The following RCAN1 variants were observed in gnomAD, a reference collection of about 807,000 sequenced individuals.
RCAN1 encodes the protein regulator of calcineurin 1.
A neutral mutation model predicts 22.9 loss-of-function variants in RCAN1; 11 were observed. That is an observed-to-expected ratio of 0.48 (90% confidence interval 0.30 to 0.79). RCAN1 has a LOEUF of 0.79. Ranked by LOEUF, RCAN1 falls within the 30% of genes least tolerant of loss-of-function variation. RCAN1 has a pLI of 0.06. For synonymous variants in RCAN1, 136 were observed against 142.3 expected, an observed-to-expected ratio of 0.96 and a Z score of 0.32; for missense variants, 291 against 337.8, an observed-to-expected ratio of 0.86 and a Z score of 1.09.
Position 34,518,405 on chromosome 21 carries a change from G to A in RCAN1, c.587-149C>T. 2 of 781,354 alleles carry A rather than the reference G, an allele frequency of 2.6e-6. No individual in the cohort carries two copies. The highest frequency in any genetic ancestry group is 4.0e-6 in the Non-Finnish European group (2 of 503,136). The allele number at this position is 781,354 out of a possible 1,614,324, so 48.4% of individuals were successfully genotyped here. On this transcript the variant is annotated intron_variant, in intron 3 of 3. Coordinates refer to ENST00000313806, the MANE Select transcript of RCAN1 (RefSeq NM_004414.7). The surrounding 1 kb of genome is among the most constrained non-coding windows in gnomAD (Gnocchi z 4.2). ...ACACAGCCAGACATATTTTGGGTTT[G>A]TATTTCTTTGCTAGCTCATTCAGAA...
At chr21:34,590,007 C>A (rs376554069) in intron 1 of RCAN1, among the ~76,000 whole-genome samples, 1 of 152,236 alleles carries the variant, frequency 6.6e-6, no homozygotes, top group East Asian at 1.9e-4. Flanking sequence ...CAGAAGACTA[C>A]TGAATATTCT....
intron 1 of RCAN1, among the ~76,000 whole-genome samples, chr21:34,575,251 A>C (rs1166387603): frequency 6.6e-6 from 1 of 152,190 alleles, no homozygotes; most frequent in Non-Finnish European, 1.5e-5. Flanking sequence ...GCTCCATGGG[A>C]GCACAAACAC....
chr21:34,598,158 A>G (rs1988224373), intron 1 of RCAN1, among the ~76,000 whole-genome samples: 2 of 152,198 alleles, frequency 1.3e-5, no homozygotes, highest in South Asian at 4.1e-4. Context: ...TGGATGTTCC[A>G]TTTTCGTTTT....
At position 34,614,786 on chromosome 21, in the gene RCAN1, G is replaced by A. The variant is rs1477941984; in HGVS notation, c.226C>T (p.Arg76Cys). ...SATIACHLDPRVFVDGLCRAK... is the reference protein window; with the variant it reads ...SATIACHLDPCVFVDGLCRAK... ...CGGCACAGGCCGTCCACGAACACGC[G>A]CGGGTCCAGGTGACAGGCGATGGTG... is the stretch of plus-strand genomic sequence containing the variant. The change falls in exon 1 of 4, where the codon CGC becomes TGC. Residue 76 changes from arginine (R) to cysteine (C), a missense_variant. Transcript: ENST00000313806. The surrounding 1 kb of genome is among the most constrained non-coding windows in gnomAD (Gnocchi z 6.0). 1 of 1,468,718 alleles carries A rather than the reference G, an allele frequency of 6.8e-7. No individual in the cohort carries two copies. The highest frequency in any genetic ancestry group is 2.2e-5 in the Admixed American group (1 of 45,698). 91.0% of individuals were successfully genotyped at this position (1,468,718 alleles called of 1,614,324 possible).
At chr21:34,555,888 C>T (rs1465609772) in intron 1 of RCAN1, among the ~76,000 whole-genome samples, 1 of 151,024 alleles carries the variant, frequency 6.6e-6, no homozygotes. Context: ...ACGATGAAAC[C>T]CTGTCTCTAC....
Position 34,533,842 on chromosome 21 carries a change from G to A in RCAN1, c.253-10132C>T, listed in dbSNP as rs148881891. ...CCTGAAGCAGGTAGGGGAGTGAACC[G>A]TTGGATGCTGGGGAACAGCATTCTG... is the stretch of plus-strand genomic sequence containing the variant. On this transcript the variant is annotated intron_variant, in intron 1 of 3. Transcript: ENST00000313806. 2.0e-3 allele frequency among the ~76,000 whole-genome samples: 310 copies of A among 152,340 alleles called. 1 individual carries two copies. The highest frequency in any genetic ancestry group is 6.9e-3 in the African/African-American group (286 of 41,586).
chr21:34,522,188 G>GAAAAAA (rs60440958), intron 2 of RCAN1: 2 of 135,968 alleles, frequency 1.5e-5, no homozygotes, highest in Non-Finnish European at 1.6e-5. Flanking sequence ...TCAGATGCCA[G>GAAAAAA]AAAAAAAAAA....
intron 1 of RCAN1, among the ~76,000 whole-genome samples, chr21:34,608,469 G>A (rs1057488386): frequency 6.6e-6 from 1 of 152,180 alleles, no homozygotes; most frequent in African/African-American, 2.4e-5. Flanking sequence ...TTGCTCTGAG[G>A]GAAGCCTGCT....
intron 1 of RCAN1, among the ~76,000 whole-genome samples, chr21:34,606,104 A>G (rs1988517540): frequency 6.6e-6 from 1 of 152,160 alleles, no homozygotes; most frequent in Non-Finnish European, 1.5e-5. Flanking sequence ...TCTTGTAAAG[A>G]TAAAATGATA....
chr21:34,523,014 G>A (rs1330369229), intron 2 of RCAN1: 1 of 152,264 alleles, frequency 6.6e-6, no homozygotes, highest in East Asian at 1.9e-4. Flanking sequence ...GGGTTTCTTA[G>A]CATCTGCGCC....
chr21:34,614,861 A>T lies in RCAN1; in HGVS notation c.151T>A (p.Phe51Ile). 1.4e-6 allele frequency: 2 copies of T among 1,470,674 alleles called. No homozygotes were observed. The highest frequency in any genetic ancestry group is 1.8e-6 in the Non-Finnish European group (2 of 1,108,060). The allele number at this position is 1,470,674 out of a possible 1,614,324, so 91.1% of individuals were successfully genotyped here. A position where few individuals can be genotyped will look rare whatever the true frequency, so the allele number is the denominator to read the frequency against. ...ACCTCCTCCATCTCGCAGTCAATGA[A>T]GCTCCAGTCGCCGCCGCCCTCGTCC... ...EADEGGGDWS[F>I]IDCEMEEVDL... is the part of the protein sequence containing the mutation. The change falls in exon 1 of 4, where the codon TTC (phenylalanine) becomes ATC (isoleucine). Residue 51 changes from phenylalanine (F) to isoleucine (I), a missense_variant. Phe to Ile is a conservative substitution (Grantham distance 21, BLOSUM62 0). Transcript: ENST00000313806. This position sits in a 1 kb window ranked among gnomAD's most constrained non-coding sequence, Gnocchi z 6.0.
At chr21:34,613,644 G>T in intron 1 of RCAN1, 2 of 1,030,468 alleles carry the variant, frequency 1.9e-6, no homozygotes, top group Non-Finnish European at 2.6e-6. Context: ...AAAGGTTTTA[G>T]AGTAAGATCA....
At chr21:34,585,576 C>T (rs1456657686) in intron 1 of RCAN1, among the ~76,000 whole-genome samples, 3 of 151,634 alleles carry the variant, frequency 2.0e-5, no homozygotes, top group African/African-American at 7.3e-5. Context: ...ATCCCGTCTC[C>T]ACTAAAAACA....
chr21:34,552,585 T>C (rs2247912), intron 1 of RCAN1, among the ~76,000 whole-genome samples: 36,636 of 151,794 alleles, frequency 0.24, 5,146 homozygotes, highest in African/African-American at 0.39. Flanking sequence ...TCAGAATCAA[T>C]GGAAATGACA....
chr21:34,535,623 G>GA (rs1211432707), intron 1 of RCAN1, among the ~76,000 whole-genome samples: 6 of 149,368 alleles, frequency 4.0e-5, no homozygotes, highest in South Asian at 2.1e-4. Context: ...CTGATACTTT[G>GA]AAAAAAAAAT....
intron 1 of RCAN1, among the ~76,000 whole-genome samples, chr21:34,581,656 C>T (rs1987613498): frequency 6.6e-6 from 1 of 152,154 alleles, no homozygotes; most frequent in African/African-American, 2.4e-5. Flanking sequence ...AAAAAAATCA[C>T]TAAAAATGTA....
chr21:34,547,805 G>A (rs1348948999), intron 1 of RCAN1, among the ~76,000 whole-genome samples: 2 of 152,152 alleles, frequency 1.3e-5, no homozygotes, highest in African/African-American at 2.4e-5. Context: ...ACCAGATGCT[G>A]GCACCATGCT....
intron 1 of RCAN1, among the ~76,000 whole-genome samples, chr21:34,571,928 T>C (rs1262432496): frequency 1.3e-5 from 2 of 152,242 alleles, no homozygotes; most frequent in African/African-American, 4.8e-5. Flanking sequence ...TTTACTTGCA[T>C]GCCTATCAAA....
intron 1 of RCAN1, among the ~76,000 whole-genome samples, chr21:34,569,517 T>A (rs1354683517): frequency 6.6e-6 from 1 of 152,232 alleles, no homozygotes; most frequent in African/African-American, 2.4e-5. Flanking sequence ...ATAGCATCTA[T>A]GAGCTCAGAC....
Sources: allele counts gnomAD v4.1 joint callset (sites outside exome capture counted in the v4.1 genomes callset), GRCh38; gene constraint gnomAD v4.1.1; non-coding constraint Gnocchi (gnomAD v3.1); transcripts MANE v1.5; gene names NCBI Gene and HGNC (gene_info 2026-07-23, HGNC 2026-07-21).